EEFSEC: variants seen among roughly 807,000 people sequenced by gnomAD.
EEFSEC encodes selenocysteine-specific elongation factor.
EEFSEC carries 43 observed loss-of-function variants against 42.1 expected under a neutral mutation model. The observed-to-expected ratio is 1.02, with a 90% CI of 0.80 to 1.32. The LOEUF is 1.32. EEFSEC is among the 40% of genes most tolerant of loss of function. EEFSEC has a pLI of 0.00. For synonymous variants in EEFSEC, 354 were observed against 339.1 expected, an observed-to-expected ratio of 1.04 and a Z score of -0.48; for missense variants, 745 against 803.6, an observed-to-expected ratio of 0.93 and a Z score of 0.88.
At chr3:128,369,836 G>A (rs1286405065) in intron 6 of EEFSEC, among the ~76,000 whole-genome samples, 3 of 152,114 alleles carry the variant, frequency 2.0e-5, no homozygotes, top group African/African-American at 4.8e-5. Context: ...TTGTTTGTGC[G>A]CCGAGCCGAC....
intron 1 of EEFSEC, among the ~76,000 whole-genome samples, chr3:128,224,697 A>T (rs1274795264): frequency 6.6e-6 from 1 of 152,192 alleles, no homozygotes; most frequent in African/African-American, 2.4e-5. Context: ...ATATATCTTT[A>T]AAAAATATAG....
At chr3:128,416,039 C>G in the EEFSEC span, among the ~76,000 whole-genome samples, 1 of 152,228 alleles carries the variant, frequency 6.6e-6, no homozygotes, top group Non-Finnish European at 1.5e-5. Flanking sequence ...TGTGGACACA[C>G]TGACCAGGCT....
intron 4 of EEFSEC, among the ~76,000 whole-genome samples, chr3:128,280,624 C>T (rs1222561216): frequency 1.3e-5 from 2 of 152,234 alleles, no homozygotes; most frequent in African/African-American, 4.8e-5. Flanking sequence ...CCTCCAGGAG[C>T]TCCCTGGCAC....
intron 4 of EEFSEC, among the ~76,000 whole-genome samples, chr3:128,339,380 C>A (rs1274254339): frequency 6.6e-6 from 1 of 152,162 alleles, no homozygotes; most frequent in Non-Finnish European, 1.5e-5. Context: ...ATGCTTGCAA[C>A]CTAAGTGTCA....
chr3:128,344,701 A>G (rs1032127711), intron 5 of EEFSEC, among the ~76,000 whole-genome samples: 2 of 152,190 alleles, frequency 1.3e-5, no homozygotes, highest in Non-Finnish European at 2.9e-5. Flanking sequence ...CCTTCCTGGT[A>G]AGGTGGAACT....
At chr3:128,253,313 C>T (rs1176281313) in intron 2 of EEFSEC, among the ~76,000 whole-genome samples, 1 of 152,210 alleles carries the variant, frequency 6.6e-6, no homozygotes, top group African/African-American at 2.4e-5. Flanking sequence ...TTGGCTCCGT[C>T]AGCTCTGCGG....
intron 1 of EEFSEC, among the ~76,000 whole-genome samples, chr3:128,238,276 C>A (rs1372513569): frequency 6.6e-6 from 1 of 152,222 alleles, no homozygotes; most frequent in Non-Finnish European, 1.5e-5. Context: ...GACAGCTGCT[C>A]CTCAGCCACA....
intron 6 of EEFSEC, among the ~76,000 whole-genome samples, chr3:128,401,760 G>A (rs56064643): frequency 0.058 from 8,877 of 152,236 alleles, 328 homozygotes; most frequent in Middle Eastern, 0.12. Context: ...AGGAGGCAGC[G>A]AGGCAGGGCT....
intron 4 of EEFSEC, among the ~76,000 whole-genome samples, chr3:128,289,106 A>G (rs2066616447): frequency 6.6e-6 from 1 of 152,202 alleles, no homozygotes; most frequent in Non-Finnish European, 1.5e-5. Context: ...TCATGTCTGC[A>G]CATTTTCCCA....
chr3:128,317,880 C>A lies in EEFSEC; in HGVS notation c.787-23353C>A, dbSNP rs757172729. ...TCTGAGGTTTCCTCCCAGTTCCCTG[C>A]CAGGTGGTAACCATGGTTCCTTTCT... On this transcript the variant is annotated intron_variant, in intron 4 of 6. Transcript: ENST00000254730. The surrounding 1 kb of genome is among the most constrained non-coding windows in gnomAD (Gnocchi z 4.1). Among the ~76,000 whole-genome samples the A allele has an allele frequency of 3.3e-4, 50 of 152,370 alleles. No individual in the cohort carries two copies. Among genetic ancestry groups the A allele is most frequent in the Admixed American group, 1.2e-3 (19 of 15,310 alleles).
chr3:128,175,871 G>T (rs753021015), intron 1 of EEFSEC, among the ~76,000 whole-genome samples: 2 of 152,218 alleles, frequency 1.3e-5, no homozygotes, highest in Admixed American at 6.5e-5. Context: ...GCTGTGCTCA[G>T]TTAAGTGGAG....
intron 1 of EEFSEC, among the ~76,000 whole-genome samples, chr3:128,179,642 C>G (rs1278220275): frequency 2.6e-5 from 4 of 152,202 alleles, no homozygotes. Context: ...TGCAGCTTGT[C>G]CCTCAGAGAT....
At chr3:128,203,534 T>G (rs1009224944) in intron 1 of EEFSEC, among the ~76,000 whole-genome samples, 1 of 152,174 alleles carries the variant, frequency 6.6e-6, no homozygotes, top group Non-Finnish European at 1.5e-5. Context: ...ATGTGTTAGG[T>G]GTGAGTCCAC....
intron 4 of EEFSEC, among the ~76,000 whole-genome samples, chr3:128,328,513 G>A (rs1238917434): frequency 6.6e-6 from 1 of 152,208 alleles, no homozygotes; most frequent in Non-Finnish European, 1.5e-5. Context: ...CAAGTTGTAA[G>A]GATAACAATG....
intron 6 of EEFSEC, among the ~76,000 whole-genome samples, chr3:128,406,916 A>T (rs1401370039): frequency 6.6e-6 from 1 of 151,978 alleles, no homozygotes; most frequent in African/African-American, 2.4e-5. Flanking sequence ...ACAGTTTGTC[A>T]TTTGTCAATT....
intron 6 of EEFSEC, among the ~76,000 whole-genome samples, chr3:128,407,524 C>A (rs1205346791): frequency 6.6e-6 from 1 of 152,084 alleles, no homozygotes; most frequent in Non-Finnish European, 1.5e-5. Flanking sequence ...CTGCATATCC[C>A]ACTGAGGGCA....
At chr3:128,394,542 C>T (rs559524520) in intron 6 of EEFSEC, among the ~76,000 whole-genome samples, 13 of 152,106 alleles carry the variant, frequency 8.5e-5, no homozygotes, top group Admixed American at 1.3e-4. Flanking sequence ...ATAAGCTCTA[C>T]CTTTTAAACC....
chr3:128,155,079 A>G (rs962402770), intron 1 of EEFSEC, among the ~76,000 whole-genome samples: 3 of 152,014 alleles, frequency 2.0e-5, no homozygotes, highest in Non-Finnish European at 4.4e-5. Flanking sequence ...TACCCCTCCT[A>G]TCTCTGCAAA....
At chr3:128,334,152 G>T (rs2067164429) in intron 4 of EEFSEC, among the ~76,000 whole-genome samples, 1 of 152,160 alleles carries the variant, frequency 6.6e-6, no homozygotes, top group African/African-American at 2.4e-5. Flanking sequence ...ACCTGCCTCT[G>T]CCACATCTGA....
Sources: allele counts gnomAD v4.1 joint callset (sites outside exome capture counted in the v4.1 genomes callset), GRCh38; gene constraint gnomAD v4.1.1; non-coding constraint Gnocchi (gnomAD v3.1); transcripts MANE v1.5; gene names NCBI Gene and HGNC (gene_info 2026-07-23, HGNC 2026-07-21).